The following TMOD2 variants were observed in gnomAD, a reference collection of about 807,000 sequenced individuals.
TMOD2 encodes tropomodulin 2, also known as tropomodulin-2.
A neutral mutation model predicts 39.9 loss-of-function variants in TMOD2; 22 were observed. The observed-to-expected ratio is 0.55, with a 90% confidence interval of 0.39 to 0.79. The LOEUF is 0.79. Among genes scored for constraint, TMOD2 ranks in the 30% least tolerant of loss-of-function variants. The pLI is 0.00. For synonymous variants in TMOD2, 123 were observed against 146.1 expected, an observed-to-expected ratio of 0.84 and a Z score of 1.14; for missense variants, 386 against 413.3, an observed-to-expected ratio of 0.93 and a Z score of 0.57.
At chr15:51,758,019 G>T (rs1020110043) in intron 1 of TMOD2, among the ~76,000 whole-genome samples, 7 of 152,048 alleles carry the variant, frequency 4.6e-5, no homozygotes, top group Non-Finnish European at 8.8e-5. Context: ...GTACAAGGCT[G>T]CAGTGAGCTA....
intron 1 of TMOD2, among the ~76,000 whole-genome samples, chr15:51,763,277 TTTTC>T (rs1337230038): frequency 6.6e-6 from 1 of 152,212 alleles, no homozygotes; most frequent in Non-Finnish European, 1.5e-5. Flanking sequence ...ATTCACATTG[TTTTC>T]AATTTTTGGC....
intron 1 of TMOD2, among the ~76,000 whole-genome samples, chr15:51,764,814 C>G (rs1040645599): frequency 2.0e-5 from 3 of 152,082 alleles, no homozygotes; most frequent in Admixed American, 2.0e-4. Flanking sequence ...ACCTTATGAC[C>G]TCCTCCTTCA....
In TMOD2 at chr15:51,754,791, G is replaced by A. The variant is rs1595859094; in HGVS notation, c.-70+3079G>A. Among the ~76,000 whole-genome samples the A allele has an allele frequency of 4.6e-5, 7 of 152,294 alleles. No individual in the cohort carries two copies. In the South Asian group the frequency reaches 1.5e-3, roughly 32 times the overall value. On this transcript the variant is annotated intron_variant, in intron 1 of 9. Coordinates refer to ENST00000249700, the MANE Select transcript of TMOD2 (RefSeq NM_014548.4). ...TCATGGGTTAATGATCATTGTATAT[G>A]GGGATGTAAATGGGGTGGGAATGTC...
At chr15:51,752,714 G>C (rs928691191) in intron 1 of TMOD2, 1 of 152,222 alleles carries the variant, frequency 6.6e-6, no homozygotes, top group African/African-American at 2.4e-5. Context: ...AAAGATGAGA[G>C]TGTTTCTGTT....
At chr15:51,782,673 G>T (rs371199023) in intron 6 of TMOD2, 48 bp from the exon 7 acceptor site, 1 of 1,429,018 alleles carries the variant, frequency 7.0e-7, no homozygotes, top group African/African-American at 1.4e-5. Context: ...CTTGGCAAGA[G>T]TGTGCCATAC....
At position 51,792,921 on chromosome 15, in the gene TMOD2, G is replaced by A. The variant is rs540066477; in HGVS notation, c.733-5276G>A. Reference sequence around the variant, plus strand: ...GAGAAATACCTAATGTAGGTGACAGGTTGATGGGTGCAGCAAACCACCATG... The same window carrying A: ...GAGAAATACCTAATGTAGGTGACAGATTGATGGGTGCAGCAAACCACCATG... On this transcript the variant is annotated intron_variant, in intron 7 of 9. Coordinates refer to ENST00000249700, the MANE Select transcript of TMOD2 (RefSeq NM_014548.4). 2.1e-4 allele frequency among the ~76,000 whole-genome samples: 32 copies of A among 152,244 alleles called. No homozygotes were observed. The South Asian group carries it at 6.0e-3, about 29-fold the overall frequency.
At chr15:51,770,622 C>T (rs866870875) in intron 3 of TMOD2, among the ~76,000 whole-genome samples, 28 of 152,146 alleles carry the variant, frequency 1.8e-4, no homozygotes, top group African/African-American at 6.3e-4. Context: ...CAGTGGATCA[C>T]ACATCATTGA....
chr15:51,778,643 CTTT>C (rs34790068), intron 5 of TMOD2, among the ~76,000 whole-genome samples: 1,905 of 68,224 alleles, frequency 0.028, 15 homozygotes, highest in Admixed American at 0.11. Flanking sequence ...AAAATTACAG[CTTT>C]TTTTTTTTTT....
chr15:51,782,662 C>T, intron 6 of TMOD2, 59 bp from the exon 7 acceptor site: 2 of 1,348,218 alleles, frequency 1.5e-6, no homozygotes, highest in Admixed American at 1.8e-5. Flanking sequence ...TGGGTTCTTA[C>T]CTTGGCAAGA....
Position 51,812,858 on chromosome 15 carries a change from A to G in TMOD2, c.*4404A>G, listed in dbSNP as rs141820578. 1.0e-3 allele frequency: 157 copies of G among 152,286 alleles called. 1 individual carries two copies. Among genetic ancestry groups the G allele is most frequent in the African/African-American group, 3.6e-3 (149 of 41,550 alleles). The allele number at this position is 152,286 out of a possible 1,614,324, so 9.4% of individuals were successfully genotyped here. On this transcript the variant is annotated 3_prime_UTR_variant, in exon 10 of 10. Transcript: ENST00000249700. Reference sequence around the variant, plus strand: ...AGGAAAGGTCCTAGCTCTGCCTTCCACTTGCAGCTTCCCTTTACCTCCTCT... The same window carrying G: ...AGGAAAGGTCCTAGCTCTGCCTTCCGCTTGCAGCTTCCCTTTACCTCCTCT...
intron 8 of TMOD2, among the ~76,000 whole-genome samples, chr15:51,803,797 G>A (rs2056105036): frequency 1.3e-5 from 2 of 152,008 alleles, no homozygotes; most frequent in African/African-American, 4.8e-5. Context: ...TAGAAAAATG[G>A]GCAAATGGCA....
chr15:51,796,039 T>G (rs2056049478), intron 7 of TMOD2, among the ~76,000 whole-genome samples: 1 of 151,890 alleles, frequency 6.6e-6, no homozygotes, highest in Non-Finnish European at 1.5e-5. Flanking sequence ...TCAACTTTAT[T>G]CTTTCATGAT....
At chr15:51,801,284 C>CACACACA (rs1314487875) in intron 8 of TMOD2, among the ~76,000 whole-genome samples, 59 of 130,344 alleles carry the variant, frequency 4.5e-4, no homozygotes, top group Non-Finnish European at 6.3e-4. Flanking sequence ...CACACACACA[C>CACACACA]CCTGTCTCTC....
rs1049779062 is a variant in TMOD2 at position 51,811,703 on chromosome 15, G to A, written c.*3249G>A. On this transcript the variant is annotated 3_prime_UTR_variant, in exon 10 of 10. Coordinates refer to ENST00000249700, the MANE Select transcript of TMOD2 (RefSeq NM_014548.4). ...TGTGTACTGTCAGATATCTAACTAG[G>A]TATTTGGCTACATCTGGACAACTGA... is the stretch of plus-strand genomic sequence containing the variant. The A allele has an allele frequency of 1.3e-5, 2 of 151,992 alleles. No homozygotes were observed. Among genetic ancestry groups the A allele is most frequent in the Non-Finnish European group, 2.9e-5 (2 of 67,994 alleles). The allele number at this position is 151,992 out of a possible 1,614,324, so 9.4% of individuals were successfully genotyped here.
At chr15:51,765,956 C>G (rs895329789) in intron 1 of TMOD2, among the ~76,000 whole-genome samples, 4 of 152,206 alleles carry the variant, frequency 2.6e-5, no homozygotes, top group East Asian at 1.9e-4. Flanking sequence ...AACTGCCTTA[C>G]AATTAGTGCA....
At chr15:51,789,388 T>C (rs974698083) in intron 7 of TMOD2, among the ~76,000 whole-genome samples, 4 of 152,162 alleles carry the variant, frequency 2.6e-5, no homozygotes, top group African/African-American at 9.7e-5. Context: ...CAAAGAGACT[T>C]AGACTCCCAC....
intron 8 of TMOD2, among the ~76,000 whole-genome samples, chr15:51,802,415 T>C (rs1304139249): frequency 6.6e-6 from 1 of 152,182 alleles, no homozygotes; most frequent in East Asian, 1.9e-4. Context: ...AATAGAACAT[T>C]CAAATCAAGG....
chr15:51,779,687 T>G (rs1312718304), intron 5 of TMOD2, among the ~76,000 whole-genome samples: 1 of 135,776 alleles, frequency 7.4e-6, no homozygotes, highest in African/African-American at 2.9e-5. Flanking sequence ...ATGAAGATAC[T>G]TTTTTTTTTT....
chr15:51,808,541 C>A lies in TMOD2; in HGVS notation c.*87C>A. The A allele has an allele frequency of 1.8e-6, 2 of 1,117,658 alleles. No individual in the cohort carries two copies. Among genetic ancestry groups the A allele is most frequent in the South Asian group, 1.5e-5 (1 of 68,678 alleles). 69.2% of individuals were successfully genotyped at this position (1,117,658 alleles called of 1,614,324 possible). A position where few individuals can be genotyped will look rare whatever the true frequency, so the allele number is the denominator to read the frequency against. ...TTCTTCCCCATCAGGACCATTTTAT[C>A]AAAGTTCGTTCATTTCCGTTAACCA... is the stretch of plus-strand genomic sequence containing the variant. On this transcript the variant is annotated 3_prime_UTR_variant, in exon 10 of 10. Transcript: ENST00000249700.
Sources: allele counts gnomAD v4.1 joint callset (sites outside exome capture counted in the v4.1 genomes callset), GRCh38; gene constraint gnomAD v4.1.1; transcripts MANE v1.5; gene names NCBI Gene and HGNC (gene_info 2026-07-23, HGNC 2026-07-21).